The following RPL28 variants were observed in gnomAD, a reference collection of about 807,000 sequenced individuals.
RPL28 encodes ribosomal protein L28, also known as large ribosomal subunit protein eL28.
A neutral mutation model predicts 12.5 loss-of-function variants in RPL28; 4 were observed. That is an observed-to-expected ratio of 0.32 (90% CI 0.16 to 0.73). The LOEUF (loss-of-function observed/expected upper bound fraction) is 0.73, where lower values mean the gene tolerates loss of function less well. RPL28 is among the 30% of genes least tolerant of loss of function. The pLI, the probability that RPL28 is intolerant of heterozygous loss-of-function variation, is 0.66. For missense variants in RPL28, 214 were observed against 197.7 expected (o/e 1.08, Z -0.49); for synonymous variants, 91 against 72.5 (o/e 1.26, Z -1.30).
At position 55,390,234 on chromosome 19, in the gene RPL28, G is replaced by A. The variant is rs79869003; in HGVS notation, c.*1902G>A. 9 of 980,650 alleles carry A rather than the reference G, an allele frequency of 9.2e-6. No homozygotes were observed. The highest frequency in any genetic ancestry group is 4.7e-5 in the South Asian group (1 of 21,194). The allele number at this position is 980,650 out of a possible 1,614,324, so 60.7% of individuals were successfully genotyped here. On this transcript the variant is annotated 3_prime_UTR_variant, in exon 5 of 5. Transcript: ENST00000344063. ...GGAGACTTTCTGGAGATGGAGTCTC[G>A]CTCTGTTGCCCAGGCTGGCGAGTGC...
chr19:55,401,321 C>T lies in RPL28; in HGVS notation c.325-1622C>T, dbSNP rs543343459. ...TTATTTAGAAAAACAAATCCAGGTC[C>T]CAGTGCCCCCTGTACCCTCCCCGAC... is the stretch of plus-strand genomic sequence containing the variant. On this transcript the variant is annotated intron_variant, in intron 4 of 4. Transcript: ENST00000560055. The T allele has an allele frequency of 3.6e-5, 34 of 943,862 alleles. 1 individual carries two copies. In the South Asian group the frequency reaches 5.0e-4, roughly 14 times the overall value. 58.5% of individuals were successfully genotyped at this position (943,862 alleles called of 1,614,324 possible). A position where few individuals can be genotyped will look rare whatever the true frequency, so the allele number is the denominator to read the frequency against.
chr19:55,400,116 A>G (rs2090046342), intron 4 of RPL28: 1 of 152,128 alleles, frequency 6.6e-6, no homozygotes, highest in Non-Finnish European at 1.5e-5. Flanking sequence ...GAATAGGCAA[A>G]TTCTTTCAGG....
At chr19:55,400,159 A>G (rs1027725761) in intron 4 of RPL28, 2 of 152,076 alleles carry the variant, frequency 1.3e-5, no homozygotes, top group African/African-American at 2.4e-5. Context: ...CCACTCTCCT[A>G]TGGGTCAGAA....
intron 4 of RPL28, chr19:55,399,611 G>C (rs144737628): frequency 6.6e-6 from 1 of 152,232 alleles, no homozygotes; most frequent in East Asian, 1.9e-4. Flanking sequence ...TGTCTAATTC[G>C]GTCTTGGTAT....
chr19:55,394,090 A>G (rs150511964), downstream of RPL28, among the ~76,000 whole-genome samples: 1 of 152,042 alleles, frequency 6.6e-6, no homozygotes, highest in East Asian at 2.0e-4. Context: ...GTGAAACCCT[A>G]TCTATACTAA....
At chr19:55,386,763 TCAGG>T (rs767174720) in intron 3 of RPL28, 70 bp downstream of exon 3, 63 of 1,611,924 alleles carry the variant, frequency 3.9e-5, no homozygotes, top group Non-Finnish European at 4.0e-5. Flanking sequence ...TTTTTTACTG[TCAGG>T]CAGGAAGAGC....
chr19:55,391,065 T>G lies in RPL28; in HGVS notation c.*2733T>G, dbSNP rs1318487791. 1 of 640,192 alleles carries G rather than the reference T, an allele frequency of 1.6e-6. No individual in the cohort carries two copies. 39.7% of individuals were successfully genotyped at this position (640,192 alleles called of 1,614,324 possible). ...TTGGGAGAACAAAAGAAAAGCGTCTTGTCACATACAGAAGGTCCCTGATAA... is the reference window on the plus strand; with the variant it reads ...TTGGGAGAACAAAAGAAAAGCGTCTGGTCACATACAGAAGGTCCCTGATAA... On this transcript the variant is annotated 3_prime_UTR_variant, in exon 5 of 5. Coordinates refer to ENST00000344063, the MANE Select transcript of RPL28 (RefSeq NM_000991.5).
chr19:55,401,858 T>G, intron 4 of RPL28: 1 of 1,311,442 alleles, frequency 7.6e-7, no homozygotes, highest in Non-Finnish European at 1.1e-6. Flanking sequence ...CTGTTCCTTC[T>G]GCTCCCAACT....
Position 55,388,498 on chromosome 19 carries a change from CT to C in RPL28, c.*167del. The stretch of plus-strand genomic sequence containing the variant: ...GTCCATCTGGAGGTGATGTCAATGG[CT>C]GGCCATGCAGGAGGGGTGGGGTAGC... On this transcript the variant is annotated 3_prime_UTR_variant, in exon 5 of 5. Coordinates refer to ENST00000344063, the MANE Select transcript of RPL28 (RefSeq NM_000991.5). The C allele has an allele frequency of 7.6e-7, 1 of 1,315,190 alleles. No individual in the cohort carries two copies. The highest frequency in any genetic ancestry group is 3.9e-5 in the Admixed American group (1 of 25,614). 81.5% of individuals were successfully genotyped at this position (1,315,190 alleles called of 1,614,324 possible).
Position 55,389,760 on chromosome 19 carries a change from C to G in RPL28, c.*1428C>G. On this transcript the variant is annotated 3_prime_UTR_variant, in exon 5 of 5. Coordinates refer to ENST00000344063, the MANE Select transcript of RPL28 (RefSeq NM_000991.5). ...CTTCCCTTAGTTGGGTCTATTAGCT[C>G]AGATTGAGAGGTGTTGCCTTAAAAC... The G allele has an allele frequency of 2.0e-6, 2 of 985,560 alleles. No homozygotes were observed. The highest frequency in any genetic ancestry group is 2.4e-6 in the Non-Finnish European group (2 of 830,046). 61.1% of individuals were successfully genotyped at this position (985,560 alleles called of 1,614,324 possible).
Position 55,386,356 on chromosome 19 carries a change from C to G in RPL28, c.-2C>G. On this transcript the variant is annotated 5_prime_UTR_variant, in exon 2 of 5. Transcript: ENST00000344063. ...TGTGCCCGTTTCCCCGCAGCCGCCG[C>G]CATGTCTGCGCATCTGCAATGGATG... The G allele has an allele frequency of 6.2e-7, 1 of 1,613,904 alleles. No homozygotes were observed. The highest frequency in any genetic ancestry group is 8.5e-7 in the Non-Finnish European group (1 of 1,179,954).
chr19:55,387,108 G>T, intron 3 of RPL28: 1 of 1,358,894 alleles, frequency 7.4e-7, no homozygotes, highest in Non-Finnish European at 9.9e-7. Context: ...GCAGCCATTT[G>T]ATTCCCATTT....
At chr19:55,399,483 CG>C (rs1569046868) in intron 4 of RPL28, among the ~76,000 whole-genome samples, 1 of 152,108 alleles carries the variant, frequency 6.6e-6, no homozygotes, top group African/African-American at 2.4e-5. Flanking sequence ...AGTGTTTTAA[CG>C]GAGGTTTCAT....
chr19:55,387,808 C>T, intron 3 of RPL28, 122 bp from the exon 4 acceptor site: 2 of 1,470,798 alleles, frequency 1.4e-6, no homozygotes, highest in Non-Finnish European at 1.8e-6. Context: ...CTGGCCTGCC[C>T]AGGCACCCGC....
chr19:55,399,278 T>C (rs2090041157), intron 4 of RPL28, among the ~76,000 whole-genome samples: 1 of 152,186 alleles, frequency 6.6e-6, no homozygotes, highest in Non-Finnish European at 1.5e-5. Flanking sequence ...GAGATTCTCC[T>C]GCCTCAGCCT....
At chr19:55,396,435 C>T (rs1222722151), downstream of RPL28, among the ~76,000 whole-genome samples, 1 of 147,880 alleles carries the variant, frequency 6.8e-6, no homozygotes, top group Non-Finnish European at 1.5e-5. Context: ...AGTATTCAAC[C>T]CTGGCTGGAG....
intron 3 of RPL28, 86 bp downstream of exon 3, chr19:55,386,779 G>GT: frequency 6.2e-7 from 1 of 1,611,926 alleles, no homozygotes; most frequent in East Asian, 2.2e-5. Context: ...AGGAAGAGCG[G>GT]TAACTGCCAT....
Position 55,388,326 on chromosome 19 carries a change from C to T in RPL28, c.408C>T (p.Ser136=). 6.4e-7 allele frequency: 1 copy of T among 1,556,122 alleles called. No homozygotes were observed. The highest frequency in any genetic ancestry group is 8.7e-7 in the Non-Finnish European group (1 of 1,153,968). ...VKRKRTRPTK[S]S ...GGAAGCGGACCCGCCCCACCAAGAG[C>T]TCCTGAGCCCCCTGCCCCCAGAGCA... The change falls in exon 5 of 5, where the codon AGC becomes AGT. Residue 136 remains serine, a synonymous_variant. Coordinates refer to ENST00000344063, the MANE Select transcript of RPL28 (RefSeq NM_000991.5).
downstream of RPL28, among the ~76,000 whole-genome samples, chr19:55,395,695 G>A (rs376065657): frequency 1.9e-4 from 28 of 150,996 alleles, no homozygotes; most frequent in Admixed American, 5.3e-4. Flanking sequence ...TGCCCACCTT[G>A]GCCTCCCAAA....
Sources: gnomAD v4.1 joint callset for allele counts (sites outside exome capture counted in the v4.1 genomes callset) on GRCh38, gnomAD v4.1.1 for gene constraint, MANE v1.5 for transcripts, NCBI Gene and HGNC (gene_info 2026-07-23, HGNC 2026-07-21) for gene names.